GREB1: variants seen among roughly 807,000 people sequenced by gnomAD.
The protein encoded by GREB1 is growth regulating estrogen receptor binding 1.
Under a neutral mutation model 200.7 loss-of-function variants are expected in GREB1, and 106 were observed. That is an observed-to-expected ratio of 0.53 (90% CI 0.45 to 0.62). GREB1 has a LOEUF of 0.62. GREB1 is among the 20% of genes least tolerant of loss of function. GREB1 has a pLI of 0.00. For synonymous variants in GREB1, 1,132 were observed against 1,092.4 expected, an observed-to-expected ratio of 1.04 and a Z score of -0.72; for missense variants, 2,243 against 2,556.8, an observed-to-expected ratio of 0.88 and a Z score of 2.65.
Position 11,627,335 on chromosome 2 carries a change from G to A in GREB1, c.4449+231G>A, listed in dbSNP as rs140753943. On this transcript the variant is annotated intron_variant, in intron 25 of 32. Coordinates refer to ENST00000381486, the MANE Select transcript of GREB1 (RefSeq NM_014668.4). ...TTATCAGTGGCCAAGTTACCCGACCGTGGAGGTGGTCGTCATCTTTAGGTC... is the reference window on the plus strand; with the variant it reads ...TTATCAGTGGCCAAGTTACCCGACCATGGAGGTGGTCGTCATCTTTAGGTC... 2.8e-3 allele frequency among the ~76,000 whole-genome samples: 427 copies of A among 152,288 alleles called. 1 individual carries two copies. Among genetic ancestry groups the A allele is most frequent in the African/African-American group, 9.6e-3 (398 of 41,558 alleles).
chr2:11,612,209 A>AAAG (rs1683000143), intron 18 of GREB1: 1 of 606,636 alleles, frequency 1.6e-6, no homozygotes, highest in Non-Finnish European at 2.1e-6. Flanking sequence ...AAAAAAAAAA[A>AAAG]GACTTAAGGA....
At chr2:11,584,618 A>G (rs1016391716) in intron 7 of GREB1, among the ~76,000 whole-genome samples, 6 of 152,240 alleles carry the variant, frequency 3.9e-5, no homozygotes, top group South Asian at 2.1e-4. Context: ...GCTCCCCACA[A>G]TTCGTTGCAC....
At chr2:11,559,767 G>A (rs143759037) in intron 2 of GREB1, among the ~76,000 whole-genome samples, 2,400 of 152,126 alleles carry the variant, frequency 0.016, 68 homozygotes, top group African/African-American at 0.055. Context: ...CTAAAACCAC[G>A]CCTGCTGTAT....
chr2:11,607,610 ACACATATATG>A, intron 17 of GREB1, among the ~76,000 whole-genome samples: 1 of 34,708 alleles, frequency 2.9e-5, no homozygotes, highest in African/African-American at 7.3e-5. Context: ...ATACATATAT[ACACATATATG>A]CATATATATA....
intron 1 of GREB1, among the ~76,000 whole-genome samples, chr2:11,486,698 T>C (rs932177917): frequency 1.3e-5 from 2 of 151,930 alleles, no homozygotes; most frequent in Non-Finnish European, 2.9e-5. Context: ...TGAAACCCCG[T>C]CTCTACTGAA....
intron 15 of GREB1, among the ~76,000 whole-genome samples, chr2:11,600,523 G>A (rs1198471689): frequency 1.3e-5 from 2 of 152,196 alleles, no homozygotes; most frequent in African/African-American, 2.4e-5. Context: ...ATCACTGTCC[G>A]ATTGGGATAG....
chr2:11,545,563 A>T (rs1359789645), intron 1 of GREB1, among the ~76,000 whole-genome samples: 2 of 152,152 alleles, frequency 1.3e-5, no homozygotes. Context: ...AAAGCAACTT[A>T]AAAAAAATGC....
chr2:11,543,458 G>T (rs1674953480), intron 1 of GREB1, among the ~76,000 whole-genome samples: 2 of 152,170 alleles, frequency 1.3e-5, no homozygotes, highest in South Asian at 4.1e-4. Context: ...GTGTAAGGTG[G>T]TTCTTAGTAT....
intron 2 of GREB1, among the ~76,000 whole-genome samples, chr2:11,560,208 C>T (rs911559342): frequency 6.6e-6 from 1 of 152,188 alleles, no homozygotes; most frequent in African/African-American, 2.4e-5. Flanking sequence ...AATTTTCCTG[C>T]GTCCACATAG....
intron 1 of GREB1, among the ~76,000 whole-genome samples, chr2:11,518,806 T>TG (rs1486266550): frequency 6.7e-6 from 1 of 149,476 alleles, no homozygotes; most frequent in African/African-American, 2.5e-5. Flanking sequence ...TCTTTTTAAA[T>TG]GAAAAAATCC....
chr2:11,550,992 C>A (rs761381694), intron 1 of GREB1, among the ~76,000 whole-genome samples: 21 of 152,218 alleles, frequency 1.4e-4, no homozygotes, highest in Non-Finnish European at 2.5e-4. Context: ...CCTAAAAATT[C>A]TCATTCTACC....
rs1041606166 is a variant in GREB1 at position 11,567,059 on chromosome 2, T to A, written c.454+403T>A. Among the ~76,000 whole-genome samples, 14 of 152,332 alleles carry A rather than the reference T, an allele frequency of 9.2e-5. No individual in the cohort carries two copies. The East Asian group carries it at 2.5e-3, about 27-fold the overall frequency. ...TGTCCTGAAGGACTGCCAGGCACCCTGTATCTGTTTTCCCCTTTGGTTTAT... is the reference window on the plus strand; with the variant it reads ...TGTCCTGAAGGACTGCCAGGCACCCAGTATCTGTTTTCCCCTTTGGTTTAT... On this transcript the variant is annotated intron_variant, in intron 4 of 32. Transcript: ENST00000381486.
intron 1 of GREB1, among the ~76,000 whole-genome samples, chr2:11,552,830 T>G (rs1414157259): frequency 6.6e-6 from 1 of 151,732 alleles, no homozygotes; most frequent in East Asian, 1.9e-4. Flanking sequence ...GCTAACACGG[T>G]GAAACCCCGT....
chr2:11,578,506 T>G, intron 6 of GREB1, 75 bp downstream of exon 6: 1 of 1,479,696 alleles, frequency 6.8e-7, no homozygotes, highest in South Asian at 1.2e-5. Context: ...CGGTTGACTA[T>G]GCCGTCAAGC....
At chr2:11,598,601 C>A in intron 14 of GREB1, 79 bp from the exon 15 acceptor site, 1 of 1,278,392 alleles carries the variant, frequency 7.8e-7, no homozygotes, top group South Asian at 1.3e-5. Context: ...GTGTAGGAGT[C>A]GCTCCTCAGG....
intron 1 of GREB1, among the ~76,000 whole-genome samples, chr2:11,552,508 T>C (rs1675955569): frequency 6.6e-6 from 1 of 152,216 alleles, no homozygotes; most frequent in African/African-American, 2.4e-5. Flanking sequence ...CTTCCCTGTC[T>C]GGGTCTTTAG....
intron 1 of GREB1, among the ~76,000 whole-genome samples, chr2:11,496,779 T>C (rs184307246): frequency 5.3e-5 from 8 of 152,318 alleles, no homozygotes; most frequent in Admixed American, 1.3e-4. Flanking sequence ...AAAACTATCA[T>C]ACACTATGGC....
intron 1 of GREB1, among the ~76,000 whole-genome samples, chr2:11,545,759 G>A (rs1486556650): frequency 1.3e-5 from 2 of 152,168 alleles, no homozygotes; most frequent in Non-Finnish European, 2.9e-5. Context: ...CTAAGTTTTA[G>A]GACTGTGATG....
rs375468111 is a variant in GREB1 at position 11,597,808 on chromosome 2, G to A, written c.1982G>A (p.Arg661Gln). 4.3e-6 allele frequency: 7 copies of A among 1,614,144 alleles called. No homozygotes were observed. Among genetic ancestry groups the A allele is most frequent in the Admixed American group, 1.7e-5 (1 of 60,024 alleles). The change falls in exon 14 of 33, where the codon CGG becomes CAG. Residue 661 changes from arginine (R) to glutamine (Q), a missense_variant. Coordinates refer to ENST00000381486, the MANE Select transcript of GREB1 (RefSeq NM_014668.4). This position sits in a 1 kb window ranked among gnomAD's most constrained non-coding sequence, Gnocchi z 4.1. ...TSYNLEPHSI[R>Q]PFQLAVAQKL... ...TACAATCTGGAGCCACACAGCATCC[G>A]GCCCTTCCAGCTGGCAGTAGCGCAG...
Sources: allele counts gnomAD v4.1 joint callset (sites outside exome capture counted in the v4.1 genomes callset), GRCh38; gene constraint gnomAD v4.1.1; non-coding constraint Gnocchi (gnomAD v3.1); transcripts MANE v1.5; gene names NCBI Gene and HGNC (gene_info 2026-07-23, HGNC 2026-07-21).